Variants in COG3 observed in about 807,000 individuals in gnomAD.
The protein encoded by COG3 is component of oligomeric golgi complex 3, also known as conserved oligomeric Golgi complex subunit 3.
COG3 carries 32 observed loss-of-function variants against 114.1 expected under a neutral mutation model. That is an observed-to-expected ratio of 0.28 (90% CI 0.21 to 0.38). The LOEUF is 0.38. Among genes scored for constraint, COG3 ranks in the 10% least tolerant of loss-of-function variants. The probability of loss-of-function intolerance (pLI) is 1.00; values close to 1 mark genes in which losing one functional copy is unlikely to be tolerated. For missense variants in COG3, 813 were observed against 973.2 expected (o/e 0.84, Z 2.19); for synonymous variants, 352 against 365.7 (o/e 0.96, Z 0.43).
chr13:45,509,757 T>A lies in COG3; in HGVS notation c.1660T>A (p.Trp554Arg), dbSNP rs1870647302. The change falls in exon 15 of 23, where the codon TGG becomes AGG. Residue 554 changes from tryptophan (W) to arginine (R), a missense_variant. Coordinates refer to ENST00000349995, the MANE Select transcript of COG3 (RefSeq NM_031431.4). ...TISPADLHGMWYPTVRRTLVC... is the reference protein window; with the variant it reads ...TISPADLHGMRYPTVRRTLVC... ...TTCTCCAGCAGATCTTCATGGAATG[T>A]GGTATCCTACGGTTCGAAGAACTCT... The A allele has an allele frequency of 1.2e-6, 2 of 1,614,052 alleles. No individual in the cohort carries two copies. The highest frequency in any genetic ancestry group is 2.7e-5 in the African/African-American group (2 of 75,062).
intron 13 of COG3, among the ~76,000 whole-genome samples, chr13:45,496,720 C>G (rs1868830710): frequency 6.6e-6 from 1 of 152,012 alleles, no homozygotes; most frequent in Non-Finnish European, 1.5e-5. Context: ...GTCGCCCAGG[C>G]TGGAGTACAG....
intron 16 of COG3, 98 bp from the exon 17 acceptor site, chr13:45,516,045 A>C: frequency 1.2e-6 from 1 of 841,524 alleles, no homozygotes; most frequent in Non-Finnish European, 1.7e-6. Context: ...ATAGGCTGTA[A>C]ACCTAGGTAG....
In COG3 at chr13:45,503,453, A is replaced by G. The variant is rs1248318016; in HGVS notation, c.1594+104A>G. On this transcript the variant is annotated intron_variant, in intron 14 of 22. Coordinates refer to ENST00000349995, the MANE Select transcript of COG3 (RefSeq NM_031431.4). Reference sequence around the variant, plus strand: ...ACATGAAAAACAACTTGTGCCTTTGAGGAGCCCACACTTTATGGGGGGAGA... The same window carrying G: ...ACATGAAAAACAACTTGTGCCTTTGGGGAGCCCACACTTTATGGGGGGAGA... The G allele has an allele frequency of 4.6e-6, 3 of 649,690 alleles. No homozygotes were observed. In the African/African-American group the frequency reaches 5.5e-5, roughly 12 times the overall value. 40.2% of individuals were successfully genotyped at this position (649,690 alleles called of 1,614,324 possible).
At position 45,479,065 on chromosome 13, in the gene COG3, A is replaced by G; in HGVS notation, c.382A>G (p.Arg128Gly). 4 of 1,600,752 alleles carry G rather than the reference A, an allele frequency of 2.5e-6. No individual in the cohort carries two copies. Among genetic ancestry groups the G allele is most frequent in the Non-Finnish European group, 3.4e-6 (4 of 1,171,906 alleles). The change falls in exon 3 of 23, where the codon AGA becomes GGA. Residue 128 changes from arginine to glycine, a missense_variant and splice_region_variant. By Grantham distance (125) the Arg-to-Gly change is moderately radical. Around this residue, in one of 2 missense-constraint regions of COG3, gnomAD observed 424 missense variants for 430.6 expected, o/e 0.98. Coordinates refer to ENST00000349995, the MANE Select transcript of COG3 (RefSeq NM_031431.4). ...GGATCAAGATGAAGGAACTAAATAT[A>G]GGTATGTGTGTCTCTTGCATTTGTT... ...QMDQDEGTKY[R>G]QMRDYLSGFQ...
At chr13:45,508,802 G>T (rs769812950) in intron 14 of COG3, among the ~76,000 whole-genome samples, 1 of 152,048 alleles carries the variant, frequency 6.6e-6, no homozygotes, top group African/African-American at 2.4e-5. Context: ...CCTCACAGTC[G>T]CCAGAGTCTG....
At chr13:45,497,198 G>A (rs1433733681) in intron 13 of COG3, among the ~76,000 whole-genome samples, 1 of 152,168 alleles carries the variant, frequency 6.6e-6, no homozygotes, top group East Asian at 1.9e-4. Context: ...TACCGTACAA[G>A]TGTCCAGTTT....
chr13:45,526,391 AT>A (rs1872701483), intron 20 of COG3, among the ~76,000 whole-genome samples: 1 of 152,010 alleles, frequency 6.6e-6, no homozygotes, highest in South Asian at 2.1e-4. Context: ...TGGCCTCAAA[AT>A]TTTTAATTAT....
intron 1 of COG3, 84 bp from the exon 2 acceptor site, chr13:45,476,117 C>A: frequency 2.3e-6 from 3 of 1,288,168 alleles, no homozygotes; most frequent in African/African-American, 1.5e-5. Context: ...TCTTTCAAAA[C>A]AACTGAGATG....
intron 7 of COG3, 125 bp downstream of exon 7, chr13:45,483,480 A>G (rs188141684): frequency 2.8e-5 from 16 of 562,682 alleles, no homozygotes; most frequent in Admixed American, 1.1e-4. Flanking sequence ...TTTGTTAAGA[A>G]TATGTACTAC....
In COG3 at chr13:45,482,486, AT is replaced by A; in HGVS notation, c.717+18del. 1 of 1,257,714 alleles carries A rather than the reference AT, an allele frequency of 8.0e-7. No individual in the cohort carries two copies. Among genetic ancestry groups the A allele is most frequent in the Non-Finnish European group, 1.1e-6 (1 of 885,380 alleles). The allele number at this position is 1,257,714 out of a possible 1,614,324, so 77.9% of individuals were successfully genotyped here. A position where few individuals can be genotyped will look rare whatever the true frequency, so the allele number is the denominator to read the frequency against. On this transcript the variant is annotated intron_variant, in intron 6 of 22. Coordinates refer to ENST00000349995, the MANE Select transcript of COG3 (RefSeq NM_031431.4). ...TATCTCATCTCATGTAAGTCAGAGT[AT>A]TTTTGCATGTTTTAAAGAAATCCTT...
Position 45,525,062 on chromosome 13 carries a change from T to C in COG3, c.2230+11T>C. The C allele has an allele frequency of 6.2e-7, 1 of 1,610,030 alleles. No individual in the cohort carries two copies. Among genetic ancestry groups the C allele is most frequent in the South Asian group, 1.1e-5 (1 of 90,908 alleles). On this transcript the variant is annotated intron_variant, in intron 20 of 22. Transcript: ENST00000349995. Reference sequence around the variant, plus strand: ...CTTGGGCACAACCAGGTATTCTGATTTGACCATTTTGGATTTCTTTTTTAG... The same window carrying C: ...CTTGGGCACAACCAGGTATTCTGATCTGACCATTTTGGATTTCTTTTTTAG...
chr13:45,526,927 A>T (rs1304268155), intron 20 of COG3, among the ~76,000 whole-genome samples: 1 of 152,212 alleles, frequency 6.6e-6, no homozygotes, highest in African/African-American at 2.4e-5. Flanking sequence ...TGATTTGGGG[A>T]TTAATTGGAG....
chr13:45,478,936 T>G, intron 2 of COG3, 69 bp from the exon 3 acceptor site: 2 of 1,071,308 alleles, frequency 1.9e-6, no homozygotes, highest in South Asian at 2.6e-5. Context: ...GACTTGCTGC[T>G]TAGCATGTAG....
At chr13:45,509,556 C>G in intron 14 of COG3, 136 bp from the exon 15 acceptor site, 2 of 929,908 alleles carry the variant, frequency 2.2e-6, no homozygotes, top group Non-Finnish European at 3.2e-6. Context: ...TTGATGAAAA[C>G]TGAGGTGGGA....
rs538009116 is a variant in COG3, at chr13:45,465,068, AGGC to A, written c.41_43del (p.Ala14del). The A allele has an allele frequency of 1.7e-5, 27 of 1,597,230 alleles. No individual in the cohort carries two copies. The highest frequency in any genetic ancestry group is 2.2e-5 in the Non-Finnish European group (26 of 1,173,284). ...GAGGCGGCGCTGTTGCTGCTGCCTG[AGGC>A]GGCGGCGGAGCGGGACGCTAGGGAA... On this transcript the variant is annotated inframe_deletion, in exon 1 of 23. Transcript: ENST00000349995.
Position 45,490,922 on chromosome 13 carries a change from T to C in COG3, c.932T>C (p.Ile311Thr), listed in dbSNP as rs147137656. Reference protein sequence around the residue: ...RAAAPKVRTLIEQIELRSEKI... With the variant: ...RAAAPKVRTLTEQIELRSEKI... ...TTTTTTCTTACTTTGCAGACTCTTA[T>C]TGAACAAATAGAACTGCGGTCTGAA... The change falls in exon 9 of 23, where the codon ATT becomes ACT. Residue 311 changes from isoleucine to threonine, a missense_variant. Ile to Thr is a moderately conservative substitution (Grantham distance 89, BLOSUM62 -1). This residue lies in a region of COG3 where 424 missense variants were observed against 430.6 expected (regional missense o/e 0.98). Transcript: ENST00000349995. 39 of 1,593,892 alleles carry C rather than the reference T, an allele frequency of 2.4e-5. No homozygotes were observed. The highest frequency in any genetic ancestry group is 3.3e-5 in the Non-Finnish European group (38 of 1,166,174).
At chr13:45,479,869 A>G (rs916374477) in intron 3 of COG3, among the ~76,000 whole-genome samples, 3 of 152,152 alleles carry the variant, frequency 2.0e-5, no homozygotes, top group African/African-American at 7.2e-5. Flanking sequence ...TCATTGCCTT[A>G]TATGTGAAAA....
At chr13:45,478,326 G>T (rs1348035852) in intron 2 of COG3, among the ~76,000 whole-genome samples, 1 of 151,568 alleles carries the variant, frequency 6.6e-6, no homozygotes, top group Non-Finnish European at 1.5e-5. Context: ...TGAGTAACTG[G>T]GACTACAGGC....
chr13:45,531,594 G>A (rs999950234), intron 22 of COG3, among the ~76,000 whole-genome samples: 3 of 148,750 alleles, frequency 2.0e-5, no homozygotes, highest in Non-Finnish European at 4.5e-5. Context: ...TGCAACCTCT[G>A]CCTCCCAGGT....
Sources: gnomAD v4.1 joint callset for allele counts (sites outside exome capture counted in the v4.1 genomes callset) on GRCh38, gnomAD v4.1.1 for gene constraint, gnomAD v4.1.1 regional missense constraint, MANE v1.5 for transcripts, NCBI Gene and HGNC (gene_info 2026-07-23, HGNC 2026-07-21) for gene names.